Variants in TRAPPC8 observed in about 807,000 individuals in gnomAD.
TRAPPC8 encodes general sporulation gene 1 homolog.
In TRAPPC8, 54 loss-of-function variants were observed where a neutral mutation model predicts 174.3. The observed-to-expected ratio is 0.31, with a 90% CI of 0.25 to 0.39. The LOEUF (loss-of-function observed/expected upper bound fraction) is 0.39. TRAPPC8 is among the 10% of genes least tolerant of loss of function. The pLI, the probability that TRAPPC8 is intolerant of heterozygous loss-of-function variation, is 1.00. For synonymous variants in TRAPPC8, 630 were observed against 579.9 expected (o/e 1.09, Z -1.24); for missense variants, 1,531 against 1,699.1 (o/e 0.90, Z 1.74).
chr18:31,902,789 G>T (rs377222432), intron 9 of TRAPPC8, among the ~76,000 whole-genome samples: 3 of 151,918 alleles, frequency 2.0e-5, no homozygotes, highest in East Asian at 1.9e-4. Context: ...GGTGGCTCAC[G>T]CCTGTAATCC....
intron 19 of TRAPPC8, among the ~76,000 whole-genome samples, chr18:31,858,339 A>T (rs923775850): frequency 2.0e-5 from 3 of 152,232 alleles, no homozygotes; most frequent in Non-Finnish European, 4.4e-5. Context: ...TATAACCCTT[A>T]TAACTGTCAA....
chr18:31,885,802 G>A (rs1042067664), intron 12 of TRAPPC8, among the ~76,000 whole-genome samples: 6 of 151,714 alleles, frequency 4.0e-5, no homozygotes, highest in African/African-American at 9.7e-5. Flanking sequence ...GGAGGTTGCA[G>A]TGAGCCGAGA....
chr18:31,907,506 T>A lies in TRAPPC8; in HGVS notation c.1343A>T (p.Lys448Ile). 6.2e-7 allele frequency: 1 copy of A among 1,603,760 alleles called. No homozygotes were observed. The highest frequency in any genetic ancestry group is 8.5e-7 in the Non-Finnish European group (1 of 1,173,768). The part of the protein sequence containing the change: ...LAYSCYHTAK[K>I]DFLNDQAMLY... ...CATTGCTTGATCATTAAGAAAATCT[T>A]TCTTTGCAGTATGATAGCAACTGTA... Residue 448 changes from lysine (K) to isoleucine (I), a missense_variant, in exon 9 of 29, where the codon AAA becomes ATA. Transcript: ENST00000283351.
intron 13 of TRAPPC8, chr18:31,873,791 T>C (rs2035009267): frequency 2.8e-6 from 1 of 353,360 alleles, no homozygotes; most frequent in Non-Finnish European, 5.2e-6. Context: ...ATGCAAAACT[T>C]ATTTTAGTAA....
chr18:31,941,746 T>A (rs147813099), intron 1 of TRAPPC8, among the ~76,000 whole-genome samples: 130 of 152,346 alleles, frequency 8.5e-4, no homozygotes, highest in African/African-American at 2.9e-3. Flanking sequence ...ACAGGCTTAT[T>A]ATGAAACCCT....
chr18:31,858,093 T>A (rs1568053288), intron 19 of TRAPPC8, 111 bp from the exon 20 acceptor site: 2 of 898,916 alleles, frequency 2.2e-6, no homozygotes, highest in Non-Finnish European at 3.3e-6. Context: ...TACAAGTGTT[T>A]CATTAATTCT....
In TRAPPC8 at chr18:31,931,320, G is replaced by T; in HGVS notation, c.352+9C>A. On this transcript the variant is annotated intron_variant, in intron 2 of 28. Transcript: ENST00000283351. The stretch of plus-strand genomic sequence containing the variant: ...CACTCAAAAAATAACAATAAACCTT[G>T]TTACATACCACTGATGTTAAGGTCA... 2.0e-6 allele frequency: 3 copies of T among 1,525,352 alleles called. No homozygotes were observed. The highest frequency in any genetic ancestry group is 2.6e-6 in the Non-Finnish European group (3 of 1,134,624). 94.5% of individuals were successfully genotyped at this position (1,525,352 alleles called of 1,614,324 possible).
chr18:31,897,675 G>T (rs895151183), intron 11 of TRAPPC8, 111 bp downstream of exon 11: 3 of 733,598 alleles, frequency 4.1e-6, no homozygotes, highest in Non-Finnish European at 5.9e-6. Context: ...CCCAAAGACA[G>T]ATTTCCCTGG....
At chr18:31,901,072 T>C in intron 9 of TRAPPC8, 47 bp from the exon 10 acceptor site, 1 of 1,505,734 alleles carries the variant, frequency 6.6e-7, no homozygotes, top group African/African-American at 1.4e-5. Flanking sequence ...AGAAACAGTC[T>C]TACAGTTTAG....
intron 12 of TRAPPC8, 29 bp downstream of exon 12, chr18:31,890,706 A>C: frequency 4.4e-6 from 7 of 1,584,068 alleles, no homozygotes; most frequent in Non-Finnish European, 6.0e-6. Context: ...ATAAATAGCA[A>C]CTTTTCATTG....
intron 2 of TRAPPC8, among the ~76,000 whole-genome samples, chr18:31,924,767 G>T (rs1032492859): frequency 1.7e-4 from 22 of 127,950 alleles, no homozygotes; most frequent in African/African-American, 6.7e-4. Flanking sequence ...AAAAAAATCC[G>T]CCTGAAGAGT....
chr18:31,942,477 C>T, intron 1 of TRAPPC8, 131 bp downstream of exon 1: 1 of 1,239,672 alleles, frequency 8.1e-7, no homozygotes, highest in South Asian at 2.0e-5. Flanking sequence ...ACCGCGGGGC[C>T]ACAGCCCCAG....
At chr18:31,884,854 GTTTT>G (rs778327825) in intron 12 of TRAPPC8, among the ~76,000 whole-genome samples, 2 of 139,150 alleles carry the variant, frequency 1.4e-5, no homozygotes, top group Non-Finnish European at 1.6e-5. Context: ...AAAAAATTAA[GTTTT>G]TTTTTTTTTT....
chr18:31,835,962 G>C (rs1366732852), intron 27 of TRAPPC8, among the ~76,000 whole-genome samples: 1 of 152,168 alleles, frequency 6.6e-6, no homozygotes, highest in Non-Finnish European at 1.5e-5. Context: ...AGTTTCTTCA[G>C]GTGCCAAATC....
chr18:31,885,709 A>G (rs2035674646), intron 12 of TRAPPC8, among the ~76,000 whole-genome samples: 2 of 151,722 alleles, frequency 1.3e-5, no homozygotes, highest in African/African-American at 4.8e-5. Flanking sequence ...AAATACAAAA[A>G]AAAATTAGCC....
intron 1 of TRAPPC8, among the ~76,000 whole-genome samples, chr18:31,942,371 T>C (rs193132886): frequency 6.6e-6 from 1 of 152,148 alleles, no homozygotes; most frequent in East Asian, 1.9e-4. Context: ...ACGACCTAGG[T>C]TGTCCGAGGA....
chr18:31,885,981 A>G (rs2035691686), intron 12 of TRAPPC8, among the ~76,000 whole-genome samples: 2 of 151,982 alleles, frequency 1.3e-5, no homozygotes, highest in African/African-American at 2.4e-5. Context: ...CAACTTTTCT[A>G]TAAACTTGAG....
Position 31,839,318 on chromosome 18 carries a change from TGATGAAATGG to T in TRAPPC8, c.3967_3976del (p.Pro1323LysfsTer6). The T allele has an allele frequency of 6.3e-7, 1 of 1,597,138 alleles. No homozygotes were observed. The highest frequency in any genetic ancestry group is 8.5e-7 in the Non-Finnish European group (1 of 1,174,150). ...ACAAAAATAAAGCTCAAACCTTTTT[TGATGAAATGG>T]ATGATTAAATGATTCTGGGTAGTGA... On this transcript the variant is annotated frameshift_variant, in exon 27 of 29. Transcript: ENST00000283351. LOFTEE classifies it high-confidence loss of function.
intron 2 of TRAPPC8, among the ~76,000 whole-genome samples, chr18:31,924,462 GAAAA>G (rs1183461154): frequency 1.0e-5 from 1 of 96,878 alleles, no homozygotes; most frequent in Non-Finnish European, 2.2e-5. Context: ...CCTCCCCACC[GAAAA>G]AAAAAAAAAA....
Sources: allele counts gnomAD v4.1 joint callset (sites outside exome capture counted in the v4.1 genomes callset), GRCh38; gene constraint gnomAD v4.1.1; transcripts MANE v1.5; gene names NCBI Gene and HGNC (gene_info 2026-07-23, HGNC 2026-07-21).